CAPN15: variants seen among roughly 807,000 people sequenced by gnomAD.
CAPN15 encodes calpain 15, also known as calpain-15.
CAPN15 carries 53 observed loss-of-function variants against 97.9 expected under a neutral mutation model. The ratio of observed to expected loss-of-function variants is 0.54; its 90% confidence interval spans 0.43 to 0.68. CAPN15 has a LOEUF of 0.68. Among genes scored for constraint, CAPN15 ranks in the 30% least tolerant of loss-of-function variants. CAPN15 has a pLI of 0.00. For missense variants in CAPN15, 1,592 were observed against 1,589.8 expected (o/e 1.00, Z -0.02); for synonymous variants, 922 against 722.5 (o/e 1.28, Z -4.43).
At chr16:533,458 G>T (rs3826233) in intron 1 of CAPN15, among the ~76,000 whole-genome samples, 1 of 151,952 alleles carries the variant, frequency 6.6e-6, no homozygotes, top group Admixed American at 6.6e-5. Context: ...GCTGGGGTCC[G>T]GGGGAGTCTA....
rs139791573 is a variant in CAPN15 at position 551,598 on chromosome 16, G to A, written c.2279G>A (p.Arg760His). 16 of 1,608,956 alleles carry A rather than the reference G, an allele frequency of 9.9e-6. No homozygotes were observed. Among genetic ancestry groups the A allele is most frequent in the African/African-American group, 1.3e-5 (1 of 74,908 alleles). ...TGGCCACACTGGCCGGGGCACCTGC[G>A]TGGCGAGCTCATGCCGCACGGCAGC... is the stretch of plus-strand genomic sequence containing the variant. ...DEWPHWPGHL[R>H]GELMPHGSSE... The change falls in exon 9 of 14, where the codon CGT becomes CAT. Residue 760 changes from arginine (R) to histidine (H), a missense_variant. Coordinates refer to ENST00000219611, the MANE Select transcript of CAPN15 (RefSeq NM_005632.3).
Position 546,900 on chromosome 16 carries a change from G to T in CAPN15, c.62G>T (p.Arg21Leu). The T allele has an allele frequency of 1.2e-6, 2 of 1,611,318 alleles. No individual in the cohort carries two copies. Among genetic ancestry groups the T allele is most frequent in the Non-Finnish European group, 1.7e-6 (2 of 1,179,786 alleles). Residue 21 changes from arginine to leucine, a missense_variant, in exon 4 of 14, where the codon CGC becomes CTC. Arg to Leu is a moderately radical substitution (Grantham distance 102). Coordinates refer to ENST00000219611, the MANE Select transcript of CAPN15 (RefSeq NM_005632.3). ...ACCTTCCTGAACCCGGCCGGCCAGC[G>T]CCAGTGCTCCATCTGCGAGGCTCCC... ...RCTFLNPAGQ[R>L]QCSICEAPRH...
intron 3 of CAPN15, among the ~76,000 whole-genome samples, chr16:543,938 G>A (rs576887134): frequency 1.3e-5 from 2 of 152,322 alleles, no homozygotes; most frequent in East Asian, 1.9e-4. Flanking sequence ...AAGGGGTGGT[G>A]CACAGGCTGG....
intron 1 of CAPN15, among the ~76,000 whole-genome samples, chr16:529,017 A>G (rs972748554): frequency 1.3e-5 from 2 of 152,136 alleles, no homozygotes; most frequent in African/African-American, 2.4e-5. Context: ...AAGTGGGGCA[A>G]GAGAAATTGT....
intron 3 of CAPN15, among the ~76,000 whole-genome samples, chr16:546,169 G>A (rs1053441032): frequency 7.9e-5 from 12 of 152,244 alleles, no homozygotes; most frequent in South Asian, 2.1e-4. Context: ...GAGTTCGCTC[G>A]GCTCCACAGA....
rs1376395054 is a variant in CAPN15, at chr16:550,786, G to A, written c.2067-516G>A. ...TCCCCTGCCGGTGAGGGTCCCGGTC[G>A]GTGAGGGTCCCGGTCGGTGAGGGCC... On this transcript the variant is annotated intron_variant, in intron 7 of 13. Coordinates refer to ENST00000219611, the MANE Select transcript of CAPN15 (RefSeq NM_005632.3). Among the ~76,000 whole-genome samples the A allele has an allele frequency of 8.5e-3, 199 of 23,534 alleles. 1 individual carries two copies. Among genetic ancestry groups the A allele is most frequent in the Non-Finnish European group, 0.013 (158 of 12,000 alleles). The allele number at this position is 23,534 out of a possible 152,430, so 15.4% of individuals were successfully genotyped here.
At chr16:546,504 C>T (rs1428676972) in intron 3 of CAPN15, among the ~76,000 whole-genome samples, 2 of 152,232 alleles carry the variant, frequency 1.3e-5, no homozygotes, top group Non-Finnish European at 2.9e-5. Context: ...TATCTGCCGT[C>T]CACAGGCCTG....
intron 1 of CAPN15, among the ~76,000 whole-genome samples, chr16:528,293 A>G (rs774825168): frequency 6.6e-6 from 1 of 151,952 alleles, no homozygotes; most frequent in Non-Finnish European, 1.5e-5. Flanking sequence ...GGAAGTCGGC[A>G]GGGACCTGGG....
chr16:546,615 A>G (rs988568065), intron 3 of CAPN15, among the ~76,000 whole-genome samples: 3 of 152,130 alleles, frequency 2.0e-5, no homozygotes, highest in Non-Finnish European at 4.4e-5. Context: ...TGAGCCTCCA[A>G]CGGGCAAGAG....
rs116946193 is a variant in CAPN15 at position 535,644 on chromosome 16, C to T, written c.-136-385C>T. 0.02 allele frequency among the ~76,000 whole-genome samples: 3,118 copies of T among 152,252 alleles called. 34 individuals are homozygous for T. Among genetic ancestry groups the T allele is most frequent in the Non-Finnish European group, 0.03 (2,057 of 67,988 alleles). ...GATCCACACAGCCCGGGGCCCTCCGCACCCTGCCCCTCCAGGGAGCCCAGA... is the reference window on the plus strand; with the variant it reads ...GATCCACACAGCCCGGGGCCCTCCGTACCCTGCCCCTCCAGGGAGCCCAGA... On this transcript the variant is annotated intron_variant, in intron 2 of 13. Transcript: ENST00000219611. The surrounding 1 kb of genome is among the most constrained non-coding windows in gnomAD (Gnocchi z 6.2).
intron 1 of CAPN15, among the ~76,000 whole-genome samples, chr16:532,621 C>T (rs111545022): frequency 5.3e-5 from 8 of 150,928 alleles, no homozygotes; most frequent in South Asian, 2.1e-4. Flanking sequence ...GAGGTCAAGG[C>T]GGGTGGATCA....
chr16:543,810 G>T (rs992911734), intron 3 of CAPN15, among the ~76,000 whole-genome samples: 1 of 152,168 alleles, frequency 6.6e-6, no homozygotes, highest in South Asian at 2.1e-4. Context: ...CAGCGCGACA[G>T]CCCTGGCGTT....
At chr16:540,247 G>C (rs1010338232) in intron 3 of CAPN15, 22 of 985,460 alleles carry the variant, frequency 2.2e-5, no homozygotes, top group Middle Eastern at 5.2e-4. Context: ...CAGCTTCCCC[G>C]GGGGACCGCC....
chr16:537,101 C>G, intron 3 of CAPN15: 1 of 980,306 alleles, frequency 1.0e-6, no homozygotes, highest in Non-Finnish European at 1.2e-6. Context: ...GCTGTCCAGC[C>G]TCTGTGACAG....
In CAPN15 at chr16:549,053, G is replaced by C. The variant is rs763735435; in HGVS notation, c.1510G>C (p.Ala504Pro). 5 of 1,612,606 alleles carry C rather than the reference G, an allele frequency of 3.1e-6. No homozygotes were observed. The highest frequency in any genetic ancestry group is 4.2e-6 in the Non-Finnish European group (5 of 1,179,946). ...CGGGCCCGAGTCTGTCGGCTTCCCCGCGGGTGACAGCGTGCAGCAGCGTGT... is the reference window on the plus strand; with the variant it reads ...CGGGCCCGAGTCTGTCGGCTTCCCCCCGGGTGACAGCGTGCAGCAGCGTGT... The part of the protein sequence containing the change: ...PPGPESVGFP[A>P]GDSVQQRVRQ... Residue 504 changes from alanine to proline, a missense_variant, in exon 5 of 14, where the codon GCG becomes CCG. Coordinates refer to ENST00000219611, the MANE Select transcript of CAPN15 (RefSeq NM_005632.3).
Position 527,739 on chromosome 16 carries a change from C to G in CAPN15, c.-480C>G, listed in dbSNP as rs2032947498. The G allele has an allele frequency of 6.6e-6, 1 of 150,656 alleles. No homozygotes were observed. Among genetic ancestry groups the G allele is most frequent in the Non-Finnish European group, 1.5e-5 (1 of 67,458 alleles). 9.3% of individuals were successfully genotyped at this position (150,656 alleles called of 1,614,324 possible). A position where few individuals can be genotyped will look rare whatever the true frequency, so the allele number is the denominator to read the frequency against. ...AGTCCGGGCGCGCGATTCACAGCGC[C>G]GCGTGCGCCCCGGGCGCGCCGTAGC... On this transcript the variant is annotated 5_prime_UTR_variant, in exon 1 of 14. Transcript: ENST00000219611.
chr16:542,298 AGGAGT>A (rs2034175843), intron 3 of CAPN15, among the ~76,000 whole-genome samples: 1 of 152,050 alleles, frequency 6.6e-6, no homozygotes, highest in Non-Finnish European at 1.5e-5. Flanking sequence ...ATAGATACCT[AGGAGT>A]GGGATTGCTG....
chr16:548,500 G>A (rs1032038147), intron 4 of CAPN15, among the ~76,000 whole-genome samples: 3 of 152,346 alleles, frequency 2.0e-5, no homozygotes, highest in Non-Finnish European at 2.9e-5. Flanking sequence ...TGGTGACCGA[G>A]ATGCACGACC....
Position 547,712 on chromosome 16 carries a change from G to A in CAPN15, c.874G>A (p.Gly292Ser), listed in dbSNP as rs371194374. 155 of 1,600,250 alleles carry A rather than the reference G, an allele frequency of 9.7e-5. No homozygotes were observed. The highest frequency in any genetic ancestry group is 1.1e-4 in the Non-Finnish European group (133 of 1,172,144). Residue 292 changes from glycine (G) to serine (S), a missense_variant, in exon 4 of 14, where the codon GGC (glycine) becomes AGC (serine). Transcript: ENST00000219611. Reference sequence around the variant, plus strand: ...CTCCCGCCTAGCAGAGTTGCTGTCTGGCAAGCGGCTGAGTGTGCTGGAGGA... The same window carrying A: ...CTCCCGCCTAGCAGAGTTGCTGTCTAGCAAGCGGCTGAGTGTGCTGGAGGA... ...GASRLAELLS[G>S]KRLSVLEEEA...
Sources: allele counts gnomAD v4.1 joint callset (sites outside exome capture counted in the v4.1 genomes callset), GRCh38; gene constraint gnomAD v4.1.1; non-coding constraint Gnocchi (gnomAD v3.1); transcripts MANE v1.5; gene names NCBI Gene and HGNC (gene_info 2026-07-23, HGNC 2026-07-21).